RANBP2: variants seen among roughly 807,000 people sequenced by gnomAD.
RANBP2 encodes E3 SUMO-protein ligase RanBP2.
RANBP2 carries 57 observed loss-of-function variants against 303.6 expected under a neutral mutation model. That is an observed-to-expected ratio of 0.19 (90% CI 0.15 to 0.23). The LOEUF is 0.23. Ranked by LOEUF, RANBP2 falls within the 10% of genes least tolerant of loss-of-function variation. RANBP2 has a pLI of 1.00. For missense variants in RANBP2, 3,138 were observed against 3,780.8 expected, an observed-to-expected ratio of 0.83 and a Z score of 4.46; for synonymous variants, 1,167 against 1,301.5, an observed-to-expected ratio of 0.90 and a Z score of 2.23.
the RANBP2 span, among the ~76,000 whole-genome samples, chr2:109,130,453 C>A: frequency 1.3e-5 from 2 of 152,280 alleles, no homozygotes; most frequent in African/African-American, 4.8e-5. Flanking sequence ...TCCTCTGGGT[C>A]CCCAGACACT....
downstream of RANBP2, chr2:108,788,018 CTTT>C (rs5833305): frequency 1.6e-6 from 2 of 1,260,190 alleles, no homozygotes; most frequent in African/African-American, 3.1e-5. Flanking sequence ...TAAATCTTTT[CTTT>C]TTTTTTTTAG....
the RANBP2 span, among the ~76,000 whole-genome samples, chr2:109,269,782 G>A: frequency 6.6e-6 from 1 of 152,124 alleles, no homozygotes; most frequent in Non-Finnish European, 1.5e-5. Context: ...GAGGGGTGAG[G>A]GGAACTGAAG....
At chr2:109,701,229 C>A in the RANBP2 span, among the ~76,000 whole-genome samples, 2 of 152,180 alleles carry the variant, frequency 1.3e-5, no homozygotes, top group Non-Finnish European at 2.9e-5. Context: ...CGGAAAAAAA[C>A]ACATTATTTT....
At chr2:109,073,306 C>T in the RANBP2 span, among the ~76,000 whole-genome samples, 2 of 151,988 alleles carry the variant, frequency 1.3e-5, no homozygotes, top group African/African-American at 4.8e-5. Context: ...ACTAGGTGAA[C>T]TGAAAGAAAG....
At chr2:109,579,868 C>A in the RANBP2 span, among the ~76,000 whole-genome samples, 7 of 151,816 alleles carry the variant, frequency 4.6e-5, no homozygotes, top group African/African-American at 1.7e-4. Flanking sequence ...TGCCTGTAAT[C>A]CCAGCACTTT....
At chr2:109,066,871 C>G in the RANBP2 span, among the ~76,000 whole-genome samples, 2 of 152,162 alleles carry the variant, frequency 1.3e-5, no homozygotes, top group African/African-American at 4.8e-5. Context: ...TCCAAGAACC[C>G]CCCAGGAATA....
At chr2:109,643,808 G>C in the RANBP2 span, among the ~76,000 whole-genome samples, 2 of 149,186 alleles carry the variant, frequency 1.3e-5, no homozygotes, top group East Asian at 4.1e-4. Context: ...CTGAATGCTT[G>C]GGGAGACTCA....
chr2:109,300,821 C>T, the RANBP2 span, among the ~76,000 whole-genome samples: 1 of 152,340 alleles, frequency 6.6e-6, no homozygotes, highest in African/African-American at 2.4e-5. Flanking sequence ...GTCATTACCA[C>T]AGTCTTTGCC....
In RANBP2 at chr2:108,767,746, T is replaced by G. The variant is rs1198374414; in HGVS notation, c.7207T>G (p.Leu2403Val). The change falls in exon 20 of 29, where the codon TTG (leucine) becomes GTG (valine). Residue 2403 changes from leucine to valine, a missense_variant. Coordinates refer to ENST00000283195, the MANE Select transcript of RANBP2 (RefSeq NM_006267.5). The part of the protein sequence containing the change: ...QNMKGTERVW[L>V]WTACDFADGE... Reference sequence around the variant, plus strand: ...TATGAAAGGGACAGAAAGAGTATGGTTGTGGACTGCATGTGATTTTGCAGA... The same window carrying G: ...TATGAAAGGGACAGAAAGAGTATGGGTGTGGACTGCATGTGATTTTGCAGA... 93 of 1,611,850 alleles carry G rather than the reference T, an allele frequency of 5.8e-5. 2 individuals are homozygous for G. The highest frequency in any genetic ancestry group is 5.1e-4 in the South Asian group (46 of 90,942).
chr2:109,730,865 C>A, the RANBP2 span, among the ~76,000 whole-genome samples: 2 of 148,666 alleles, frequency 1.3e-5, no homozygotes, highest in Non-Finnish European at 3.0e-5. Flanking sequence ...CTCAGCTCAC[C>A]ACAACATCTG....
At chr2:109,028,872 G>T in the RANBP2 span, among the ~76,000 whole-genome samples, 2 of 152,098 alleles carry the variant, frequency 1.3e-5, no homozygotes, top group African/African-American at 4.8e-5. Flanking sequence ...GGACTGTGAG[G>T]GCCAACTGAG....
the RANBP2 span, among the ~76,000 whole-genome samples, chr2:108,796,731 A>G: frequency 6.6e-6 from 1 of 152,182 alleles, no homozygotes; most frequent in Admixed American, 6.5e-5. Context: ...AGAAGGACAG[A>G]CATTGCATGT....
At chr2:109,631,452 C>G in the RANBP2 span, among the ~76,000 whole-genome samples, 4 of 152,164 alleles carry the variant, frequency 2.6e-5, no homozygotes, top group Non-Finnish European at 5.9e-5. Flanking sequence ...ATGATGACAT[C>G]TATAATAATT....
chr2:108,782,093 C>T, intron 26 of RANBP2, 35 bp from the exon 27 acceptor site: 5 of 1,605,800 alleles, frequency 3.1e-6, no homozygotes, highest in Non-Finnish European at 3.4e-6. Flanking sequence ...TTATTATAAG[C>T]AGCAGCTTAT....
At chr2:109,207,465 T>C in the RANBP2 span, among the ~76,000 whole-genome samples, 1 of 152,214 alleles carries the variant, frequency 6.6e-6, no homozygotes, top group Non-Finnish European at 1.5e-5. Context: ...GGTAATTATA[T>C]ATGTAATAAT....
intron 7 of RANBP2, among the ~76,000 whole-genome samples, chr2:108,742,623 C>A (rs1239157784): frequency 6.6e-6 from 1 of 151,884 alleles, no homozygotes; most frequent in African/African-American, 2.4e-5. Context: ...TTTAAAAACA[C>A]CGTTGATAGA....
the RANBP2 span, among the ~76,000 whole-genome samples, chr2:109,107,412 C>T: frequency 6.6e-5 from 10 of 152,096 alleles, no homozygotes; most frequent in African/African-American, 2.2e-4. Flanking sequence ...GGCCGAGTAC[C>T]CCCTGGGGGG....
the RANBP2 span, among the ~76,000 whole-genome samples, chr2:109,479,552 G>A: frequency 6.6e-6 from 1 of 152,098 alleles, no homozygotes; most frequent in Non-Finnish European, 1.5e-5. Flanking sequence ...GCTTCCACCG[G>A]CCTCATGGGC....
At chr2:108,846,351 T>TA in the RANBP2 span, among the ~76,000 whole-genome samples, 1 of 152,214 alleles carries the variant, frequency 6.6e-6, no homozygotes, top group Non-Finnish European at 1.5e-5. Context: ...AGATTTCACT[T>TA]ACTTTTAATA....
Sources: allele counts gnomAD v4.1 joint callset (sites outside exome capture counted in the v4.1 genomes callset), GRCh38; gene constraint gnomAD v4.1.1; transcripts MANE v1.5; gene names NCBI Gene and HGNC (gene_info 2026-07-23, HGNC 2026-07-21).